The following ERBB4 variants were observed in gnomAD, a reference collection of about 807,000 sequenced individuals.
The protein encoded by ERBB4 is erb-b2 receptor tyrosine kinase 4.
ERBB4 carries 42 observed loss-of-function variants against 158.0 expected under a neutral mutation model. The ratio of observed to expected loss-of-function variants is 0.27; its 90% CI spans 0.21 to 0.34. ERBB4 has a LOEUF of 0.34. Ranked by LOEUF, ERBB4 falls within the 10% of genes least tolerant of loss-of-function variation. The probability of loss-of-function intolerance (pLI) is 1.00; values close to 1 mark genes in which losing one functional copy is unlikely to be tolerated. For missense variants in ERBB4, 1,333 were observed against 1,624.1 expected (o/e 0.82, Z 3.08); for synonymous variants, 583 against 558.7 (o/e 1.04, Z -0.61).
chr2:212,150,968 T>G (rs2080848117), intron 1 of ERBB4, among the ~76,000 whole-genome samples: 1 of 152,100 alleles, frequency 6.6e-6, no homozygotes, highest in East Asian at 1.9e-4. Flanking sequence ...AACCCTAACC[T>G]TCTCCAACAG....
At chr2:212,162,650 G>T (rs908813736) in intron 1 of ERBB4, among the ~76,000 whole-genome samples, 2 of 151,840 alleles carry the variant, frequency 1.3e-5, no homozygotes, top group African/African-American at 4.8e-5. Context: ...TCTGATTTCT[G>T]CAATTCATGT....
At chr2:211,610,763 C>G (rs1205888902) in intron 19 of ERBB4, among the ~76,000 whole-genome samples, 1 of 152,130 alleles carries the variant, frequency 6.6e-6, no homozygotes, top group Non-Finnish European at 1.5e-5. Context: ...CAACAGACAA[C>G]TGATTTCCAT....
intron 1 of ERBB4, among the ~76,000 whole-genome samples, chr2:212,339,227 T>C (rs2088589675): frequency 6.6e-6 from 1 of 152,134 alleles, no homozygotes; most frequent in African/African-American, 2.4e-5. Context: ...TGTGTTCTCA[T>C]TGTTCAGCTC....
intron 2 of ERBB4, among the ~76,000 whole-genome samples, chr2:212,104,798 A>T (rs534660975): frequency 3.2e-4 from 48 of 152,282 alleles, no homozygotes; most frequent in Middle Eastern, 6.8e-3. Context: ...GCTTTGCTAG[A>T]AATATTTTTA....
At chr2:211,725,643 T>C (rs915958731) in intron 5 of ERBB4, among the ~76,000 whole-genome samples, 2 of 151,876 alleles carry the variant, frequency 1.3e-5, no homozygotes, top group African/African-American at 4.8e-5. Context: ...CAAAGGAAAA[T>C]TGAGATAACT....
At chr2:212,421,957 A>T (rs112309522) in intron 1 of ERBB4, among the ~76,000 whole-genome samples, 1,988 of 152,332 alleles carry the variant, frequency 0.013, 15 homozygotes, top group Middle Eastern at 0.037. Flanking sequence ...CATTAAGAAG[A>T]TATCTAACGA....
chr2:211,902,023 G>GT (rs202143857), intron 3 of ERBB4, among the ~76,000 whole-genome samples: 53 of 148,254 alleles, frequency 3.6e-4, no homozygotes, highest in Admixed American at 7.4e-4. Flanking sequence ...TCACAAAATA[G>GT]TTTTTTTTTT....
At position 211,725,200 on chromosome 2, in the gene ERBB4, G is replaced by C; in HGVS notation, c.623-6C>G. 1 of 1,602,980 alleles carries C rather than the reference G, an allele frequency of 6.2e-7. No homozygotes were observed. Among genetic ancestry groups the C allele is most frequent in the Non-Finnish European group, 8.5e-7 (1 of 1,169,938 alleles). On this transcript the variant is annotated splice_polypyrimidine_tract_variant and splice_region_variant and intron_variant, in intron 5 of 27. Coordinates refer to ENST00000342788, the MANE Select transcript of ERBB4 (RefSeq NM_005235.3). ...TGCACACACCGTCCTTGTCACTGCA[G>C]AAGACAGAGATAGGACCATGATCAA... is the stretch of plus-strand genomic sequence containing the variant.
At chr2:211,800,714 C>G (rs966319615) in intron 3 of ERBB4, among the ~76,000 whole-genome samples, 1 of 150,118 alleles carries the variant, frequency 6.7e-6, no homozygotes, top group Non-Finnish European at 1.5e-5. Context: ...GGACCATATC[C>G]CAACCTCGTC....
intron 20 of ERBB4, among the ~76,000 whole-genome samples, chr2:211,522,695 AT>A (rs2066221104): frequency 6.6e-6 from 1 of 152,178 alleles, no homozygotes; most frequent in Non-Finnish European, 1.5e-5. Context: ...CTGTCATCCT[AT>A]TTTAAGAAAT....
intron 19 of ERBB4, among the ~76,000 whole-genome samples, chr2:211,587,216 C>T (rs1199262498): frequency 5.3e-5 from 8 of 151,498 alleles, no homozygotes; most frequent in East Asian, 3.9e-4. Flanking sequence ...AATAGCCAGG[C>T]GTGGTGGCGA....
At chr2:211,637,613 G>T (rs2070409309) in intron 16 of ERBB4, among the ~76,000 whole-genome samples, 1 of 151,702 alleles carries the variant, frequency 6.6e-6, no homozygotes, top group Non-Finnish European at 1.5e-5. Flanking sequence ...AAATCATTTA[G>T]CTCCACTGAA....
intron 1 of ERBB4, among the ~76,000 whole-genome samples, chr2:212,400,173 T>C (rs540083241): frequency 1.9e-4 from 29 of 152,244 alleles, no homozygotes; most frequent in Non-Finnish European, 2.8e-4. Flanking sequence ...CCAAGGACAA[T>C]AGGAAACCTT....
At position 212,210,356 on chromosome 2, in the gene ERBB4, A is replaced by G. The variant is rs140768235; in HGVS notation, c.83-85453T>C. Among the ~76,000 whole-genome samples the G allele has an allele frequency of 1.1e-4, 17 of 152,212 alleles. No homozygotes were observed. In the East Asian group the frequency reaches 3.3e-3, roughly 29 times the overall value. On this transcript the variant is annotated intron_variant, in intron 1 of 27. Coordinates refer to ENST00000342788, the MANE Select transcript of ERBB4 (RefSeq NM_005235.3). ...TTAAAAGTAATGAAACTAAAACAGT[A>G]AATAAAAGAAAAAAATGATGGTAAC...
intron 1 of ERBB4, among the ~76,000 whole-genome samples, chr2:212,467,722 G>C (rs1477758726): frequency 6.6e-6 from 1 of 152,214 alleles, no homozygotes; most frequent in Non-Finnish European, 1.5e-5. Context: ...TCCACACACA[G>C]TTCCTACTGG....
intron 2 of ERBB4, among the ~76,000 whole-genome samples, chr2:212,044,612 T>C (rs2077214737): frequency 6.6e-6 from 1 of 152,194 alleles, no homozygotes; most frequent in African/African-American, 2.4e-5. Flanking sequence ...TTCTTTTACA[T>C]TCTGAAGACT....
rs79270709 is a variant in ERBB4 at position 212,196,931 on chromosome 2, C to T, written c.83-72028G>A. 5.9e-5 allele frequency among the ~76,000 whole-genome samples: 9 copies of T among 152,214 alleles called. No individual in the cohort carries two copies. In the South Asian group the frequency reaches 8.3e-4, roughly 14 times the overall value. ...AAATCAGAGCATATACCATATGTCA[C>T]GCCTCACCCGTGCTGGGTAGCAACC... On this transcript the variant is annotated intron_variant, in intron 1 of 27. Transcript: ENST00000342788.
rs1203185257 is a variant in ERBB4 at position 211,378,159 on chromosome 2, C to T, written c.*5456G>A. The stretch of plus-strand genomic sequence containing the variant: ...GCAAAAAAGGGAAGGATTCTATTTT[C>T]CTCTAAAGGTCAGAGAGAAATACAT... On this transcript the variant is annotated 3_prime_UTR_variant, in exon 28 of 28. Transcript: ENST00000342788. 6.0e-5 allele frequency: 14 copies of T among 232,896 alleles called. No homozygotes were observed. Among genetic ancestry groups the T allele is most frequent in the Non-Finnish European group, 8.5e-6 (1 of 117,660 alleles). The allele number at this position is 232,896 out of a possible 1,614,324, so 14.4% of individuals were successfully genotyped here. A position where few individuals can be genotyped will look rare whatever the true frequency, so the allele number is the denominator to read the frequency against.
chr2:212,197,980 C>G (rs1323682479), intron 1 of ERBB4, among the ~76,000 whole-genome samples: 1 of 152,042 alleles, frequency 6.6e-6, no homozygotes, highest in African/African-American at 2.4e-5. Context: ...TATGAGGCTG[C>G]TAAATGGAGA....
Sources: allele counts gnomAD v4.1 joint callset (sites outside exome capture counted in the v4.1 genomes callset), GRCh38; gene constraint gnomAD v4.1.1; transcripts MANE v1.5; gene names NCBI Gene and HGNC (gene_info 2026-07-23, HGNC 2026-07-21).